FAM117B: variants seen among roughly 807,000 people sequenced by gnomAD.
The protein encoded by FAM117B is family with sequence similarity 117 member B, also known as protein FAM117B.
Under a neutral mutation model 52.8 loss-of-function variants are expected in FAM117B, and 22 were observed. The observed-to-expected ratio is 0.42, with a 90% CI of 0.30 to 0.59. The LOEUF is 0.59. FAM117B is among the 20% of genes least tolerant of loss of function. The pLI, the probability that FAM117B is intolerant of heterozygous loss-of-function variation, is 0.22. For synonymous variants in FAM117B, 309 were observed against 324.1 expected, an observed-to-expected ratio of 0.95 and a Z score of 0.50; for missense variants, 678 against 802.6, an observed-to-expected ratio of 0.84 and a Z score of 1.88.
intron 1 of FAM117B, among the ~76,000 whole-genome samples, chr2:202,655,230 G>A (rs142128589): frequency 1.3e-5 from 2 of 152,258 alleles, no homozygotes; most frequent in East Asian, 3.9e-4. Context: ...GCTGAGTAGT[G>A]TTGCATTATA....
chr2:202,700,317 G>A (rs1188749984), intron 2 of FAM117B, among the ~76,000 whole-genome samples: 1 of 152,162 alleles, frequency 6.6e-6, no homozygotes, highest in African/African-American at 2.4e-5. Context: ...GTTTTTGAAG[G>A]AAATTAAAAA....
At chr2:202,702,369 C>T (rs188167961) in intron 2 of FAM117B, among the ~76,000 whole-genome samples, 22 of 151,492 alleles carry the variant, frequency 1.5e-4, no homozygotes, top group Non-Finnish European at 2.5e-4. Context: ...CCCGCCTGGG[C>T]GACAGAGTGA....
At chr2:202,637,405 C>T (rs976460842) in intron 1 of FAM117B, among the ~76,000 whole-genome samples, 1 of 151,126 alleles carries the variant, frequency 6.6e-6, no homozygotes, top group African/African-American at 2.4e-5. Flanking sequence ...TTACAGGCAC[C>T]CGCCATCATG....
Position 202,650,898 on chromosome 2 carries a change from C to T in FAM117B, c.601+15110C>T, listed in dbSNP as rs186053443. ...CCACCCTGATTGAGGGTGGGTCTGC[C>T]TCTCCCAATCCGCTGACTCAAATAT... On this transcript the variant is annotated intron_variant, in intron 1 of 7. Coordinates refer to ENST00000392238, the MANE Select transcript of FAM117B (RefSeq NM_173511.4). Among the ~76,000 whole-genome samples the T allele has an allele frequency of 9.3e-3, 1,420 of 152,164 alleles. 25 individuals carry two copies. Among genetic ancestry groups the T allele is most frequent in the African/African-American group, 0.032 (1,322 of 41,488 alleles).
chr2:202,714,744 A>G (rs1228460050), intron 2 of FAM117B, among the ~76,000 whole-genome samples: 3 of 152,044 alleles, frequency 2.0e-5, no homozygotes, highest in Non-Finnish European at 2.9e-5. Context: ...TTTAACTAGC[A>G]TGCTGCCTTC....
At chr2:202,699,352 G>A (rs867830799) in intron 2 of FAM117B, among the ~76,000 whole-genome samples, 7 of 148,808 alleles carry the variant, frequency 4.7e-5, no homozygotes, top group African/African-American at 1.5e-4. Context: ...GCTTGAACCC[G>A]GGAGGTGGAG....
chr2:202,654,342 T>C (rs1690021861), intron 1 of FAM117B, among the ~76,000 whole-genome samples: 1 of 152,072 alleles, frequency 6.6e-6, no homozygotes, highest in South Asian at 2.1e-4. Context: ...GTATTTGTTC[T>C]CTATCTGTTT....
At chr2:202,755,159 A>G (rs1306637084) in intron 4 of FAM117B, among the ~76,000 whole-genome samples, 3 of 152,130 alleles carry the variant, frequency 2.0e-5, no homozygotes, top group African/African-American at 7.2e-5. Context: ...ATCCACCCCC[A>G]TGATTTGGGT....
chr2:202,714,685 G>T (rs865865468), intron 2 of FAM117B, among the ~76,000 whole-genome samples: 38 of 151,836 alleles, frequency 2.5e-4, no homozygotes, highest in Non-Finnish European at 4.4e-4. Context: ...GCGGCCTTCC[G>T]CAGTGTTTGT....
intron 1 of FAM117B, among the ~76,000 whole-genome samples, chr2:202,655,761 A>AGTGAGAGAGAGTGT (rs1690046816): frequency 1.0e-5 from 1 of 100,374 alleles, no homozygotes; most frequent in African/African-American, 3.4e-5. Flanking sequence ...AGAGAGAGAG[A>AGTGAGAGAGAGTGT]GTGTGTGTGT....
At chr2:202,728,252 G>A (rs533042101) in intron 4 of FAM117B, among the ~76,000 whole-genome samples, 2 of 152,208 alleles carry the variant, frequency 1.3e-5, no homozygotes, top group East Asian at 3.9e-4. Context: ...GCCTCTCAAA[G>A]TGTTGGAATT....
At chr2:202,733,473 G>A (rs530267149) in intron 4 of FAM117B, among the ~76,000 whole-genome samples, 8 of 152,064 alleles carry the variant, frequency 5.3e-5, no homozygotes, top group South Asian at 2.1e-4. Flanking sequence ...CATCTCAACC[G>A]CATAAGACAG....
intron 4 of FAM117B, among the ~76,000 whole-genome samples, chr2:202,728,804 TA>T (rs549810725): frequency 2.0e-4 from 30 of 152,340 alleles, no homozygotes; most frequent in African/African-American, 7.0e-4. Context: ...TGAATTTACT[TA>T]ATAAAGATTA....
intron 2 of FAM117B, among the ~76,000 whole-genome samples, chr2:202,699,408 C>T (rs1292732413): frequency 9.7e-6 from 1 of 103,516 alleles, no homozygotes; most frequent in Admixed American, 1.6e-4. Flanking sequence ...GCCTGGGTGA[C>T]AGAGTGAGAC....
At chr2:202,737,598 A>G (rs752452169) in intron 4 of FAM117B, among the ~76,000 whole-genome samples, 3 of 151,852 alleles carry the variant, frequency 2.0e-5, no homozygotes, top group Admixed American at 6.6e-5. Flanking sequence ...GTGTGTATCA[A>G]TAGTTTAACT....
At chr2:202,683,688 CT>C (rs1690495992) in intron 1 of FAM117B, among the ~76,000 whole-genome samples, 1 of 152,088 alleles carries the variant, frequency 6.6e-6, no homozygotes, top group African/African-American at 2.4e-5. Flanking sequence ...AAAATGAAAA[CT>C]CCAGACCAGA....
chr2:202,678,126 G>A (rs946967531), intron 1 of FAM117B, among the ~76,000 whole-genome samples: 5 of 152,180 alleles, frequency 3.3e-5, no homozygotes, highest in African/African-American at 7.2e-5. Context: ...GCTCTGATGA[G>A]TGGAGGGACA....
At chr2:202,722,103 CA>C (rs1691165285) in intron 2 of FAM117B, among the ~76,000 whole-genome samples, 1 of 151,206 alleles carries the variant, frequency 6.6e-6, no homozygotes, top group Admixed American at 6.6e-5. Context: ...CTCCACCTCC[CA>C]AGTTCAAGCG....
intron 1 of FAM117B, among the ~76,000 whole-genome samples, chr2:202,689,442 A>G (rs1437074874): frequency 6.6e-6 from 1 of 151,850 alleles, no homozygotes; most frequent in Admixed American, 6.6e-5. Flanking sequence ...CACCCTGTCT[A>G]AAAAACAAAA....
Sources: allele counts gnomAD v4.1 joint callset (sites outside exome capture counted in the v4.1 genomes callset), GRCh38; gene constraint gnomAD v4.1.1; transcripts MANE v1.5; gene names NCBI Gene and HGNC (gene_info 2026-07-23, HGNC 2026-07-21).